Variants in DLC1 observed in about 807,000 individuals in gnomAD.
The protein encoded by DLC1 is rho GTPase-activating protein 7.
A neutral mutation model predicts 140.3 loss-of-function variants in DLC1; 54 were observed. The ratio of observed to expected loss-of-function variants is 0.38; its 90% CI spans 0.31 to 0.48. The LOEUF is 0.48. DLC1 is among the 20% of genes least tolerant of loss of function. The pLI is 0.96. For missense variants in DLC1, 2,536 were observed against 1,907.0 expected (o/e 1.33, Z -6.14); for synonymous variants, 986 against 728.1 (o/e 1.35, Z -5.70).
chr8:13,090,218 G>C, intron 15 of DLC1, 34 bp downstream of exon 15: 1 of 1,595,802 alleles, frequency 6.3e-7, no homozygotes, highest in Non-Finnish European at 8.6e-7. Flanking sequence ...TCGACTCCTG[G>C]ACTCAACTAG....
chr8:13,469,185 A>G (rs1488760908), intron 2 of DLC1, among the ~76,000 whole-genome samples: 1 of 152,040 alleles, frequency 6.6e-6, no homozygotes, highest in Non-Finnish European at 1.5e-5. Context: ...ATTTTAATTG[A>G]GTTTATATCA....
At chr8:13,260,043 A>G (rs754913802) in intron 5 of DLC1, among the ~76,000 whole-genome samples, 9 of 152,162 alleles carry the variant, frequency 5.9e-5, no homozygotes, top group Non-Finnish European at 1.2e-4. Flanking sequence ...CATTTGTTAA[A>G]GAAAACACAC....
intron 4 of DLC1, among the ~76,000 whole-genome samples, chr8:13,374,312 TA>T (rs34406305): frequency 0.53 from 80,131 of 151,822 alleles, 21,794 homozygotes; most frequent in East Asian, 0.79. Context: ...TCTTTTTTTT[TA>T]ATGTATTGAT....
chr8:13,289,832 T>C (rs1027264773), intron 5 of DLC1, among the ~76,000 whole-genome samples: 1 of 152,236 alleles, frequency 6.6e-6, no homozygotes, highest in Non-Finnish European at 1.5e-5. Context: ...CCCCATTCTC[T>C]TTTTGTCTCC....
At chr8:13,520,995 C>A (rs1184858347) in intron 1 of DLC1, among the ~76,000 whole-genome samples, 1 of 152,126 alleles carries the variant, frequency 6.6e-6, no homozygotes, top group Non-Finnish European at 1.5e-5. Flanking sequence ...CATCTCTTGC[C>A]TGATTGCCCA....
intron 1 of DLC1, among the ~76,000 whole-genome samples, chr8:13,549,169 T>G (rs1003799230): frequency 3.3e-5 from 5 of 151,940 alleles, no homozygotes; most frequent in African/African-American, 1.2e-4. Flanking sequence ...ACATCTTAAG[T>G]AGAAATTAAA....
At chr8:13,140,037 C>T (rs992147642) in intron 5 of DLC1, among the ~76,000 whole-genome samples, 1 of 152,136 alleles carries the variant, frequency 6.6e-6, no homozygotes, top group Admixed American at 6.5e-5. Context: ...ACCTGAAGCT[C>T]AACAATAAAC....
chr8:13,098,624 T>C (rs1253466818), intron 9 of DLC1, 49 bp from the exon 10 acceptor site: 1 of 1,533,792 alleles, frequency 6.5e-7, no homozygotes, highest in Non-Finnish European at 8.8e-7. Context: ...TTTTATTTGA[T>C]TTTATTTATT....
intron 4 of DLC1, among the ~76,000 whole-genome samples, chr8:13,307,418 C>A (rs960013230): frequency 6.6e-6 from 1 of 152,150 alleles, no homozygotes; most frequent in East Asian, 1.9e-4. Context: ...CAATTTCCTT[C>A]TTTTACAAGT....
intron 2 of DLC1, among the ~76,000 whole-genome samples, chr8:13,464,998 C>T (rs1799867707): frequency 6.6e-6 from 1 of 151,930 alleles, no homozygotes; most frequent in Admixed American, 6.6e-5. Flanking sequence ...TCCTGAGTAG[C>T]TTGAACTACA....
At chr8:13,123,414 C>T (rs750616834) in intron 5 of DLC1, among the ~76,000 whole-genome samples, 2 of 151,948 alleles carry the variant, frequency 1.3e-5, no homozygotes, top group Non-Finnish European at 2.9e-5. Context: ...AATCTTGGCT[C>T]ACTGCAACCT....
At chr8:13,367,751 C>T (rs1835552963) in intron 4 of DLC1, among the ~76,000 whole-genome samples, 1 of 152,086 alleles carries the variant, frequency 6.6e-6, no homozygotes, top group Non-Finnish European at 1.5e-5. Context: ...TGAAATTGGT[C>T]AATTTCAGGA....
intron 4 of DLC1, among the ~76,000 whole-genome samples, chr8:13,383,342 C>G (rs1035143810): frequency 4.6e-5 from 7 of 152,136 alleles, no homozygotes; most frequent in African/African-American, 1.7e-4. Flanking sequence ...TGCCATACCA[C>G]TGTATGTTGG....
chr8:13,520,390 G>T (rs960536818), intron 1 of DLC1, among the ~76,000 whole-genome samples: 1 of 151,990 alleles, frequency 6.6e-6, no homozygotes, highest in African/African-American at 2.4e-5. Flanking sequence ...ACCAAATACC[G>T]CATGTTCTCA....
At chr8:13,278,588 C>T (rs527403188) in intron 5 of DLC1, among the ~76,000 whole-genome samples, 2 of 152,288 alleles carry the variant, frequency 1.3e-5, no homozygotes, top group East Asian at 1.9e-4. Context: ...AAGGAAAATG[C>T]AGCCTGGATT....
chr8:13,233,273 C>T (rs111554127), intron 5 of DLC1, among the ~76,000 whole-genome samples: 8,575 of 116,292 alleles, frequency 0.074, 367 homozygotes, highest in South Asian at 0.097. Flanking sequence ...CCAGCCTGGG[C>T]GATAGAATAA....
chr8:13,189,957 GC>G (rs201345672), intron 5 of DLC1, among the ~76,000 whole-genome samples: 1,742 of 152,064 alleles, frequency 0.011, 28 homozygotes, highest in African/African-American at 0.039. Context: ...GTGAGAGAGA[GC>G]CCAGCGCATG....
Position 13,577,998 on chromosome 8 carries a change from T to C in DLC1, c.-126+26539A>G, listed in dbSNP as rs911713342. Among the ~76,000 whole-genome samples, 3 of 147,720 alleles carry C rather than the reference T, an allele frequency of 2.0e-5. No homozygotes were observed. The South Asian group carries it at 6.6e-4, about 33-fold the overall frequency. ...TATTCCTGTAACACTGAGGATCAGG[T>C]TCTATAGAAATAAAAAAAAAAAAGT... On this transcript the variant is annotated intron_variant, in intron 1 of 1. Transcript: ENST00000631382.
At chr8:13,237,262 T>A (rs1829327809) in intron 5 of DLC1, among the ~76,000 whole-genome samples, 1 of 145,876 alleles carries the variant, frequency 6.9e-6, no homozygotes, top group East Asian at 2.0e-4. Context: ...CACATATATG[T>A]GAGTATATAG....
Sources: gnomAD v4.1 joint callset for allele counts (sites outside exome capture counted in the v4.1 genomes callset) on GRCh38, gnomAD v4.1.1 for gene constraint, MANE v1.5 for transcripts, NCBI Gene and HGNC (gene_info 2026-07-23, HGNC 2026-07-21) for gene names.